The following SPAG16 variants were observed in gnomAD, a reference collection of about 807,000 sequenced individuals.
SPAG16 encodes sperm associated antigen 16.
A neutral mutation model predicts 80.4 loss-of-function variants in SPAG16; 86 were observed. The ratio of observed to expected loss-of-function variants is 1.07; its 90% CI spans 0.90 to 1.28. SPAG16 has a LOEUF of 1.28. Among genes scored for constraint, SPAG16 ranks in the 50% most tolerant of loss-of-function variants. The pLI is 0.00. For missense variants in SPAG16, 870 were observed against 765.3 expected (o/e 1.14, Z -1.61); for synonymous variants, 294 against 265.9 (o/e 1.11, Z -1.03).
rs763808594 is a variant in SPAG16, at chr2:214,102,109, G to GTTT, written c.1528-6083_1528-6081dup. 1.2e-4 allele frequency among the ~76,000 whole-genome samples: 12 copies of GTTT among 96,584 alleles called. 2 individuals carry two copies. Among genetic ancestry groups the GTTT allele is most frequent in the South Asian group, 3.6e-4 (1 of 2,806 alleles). The allele number at this position is 96,584 out of a possible 152,430, so 63.4% of individuals were successfully genotyped here. A position where few individuals can be genotyped will look rare whatever the true frequency, so the allele number is the denominator to read the frequency against. On this transcript the variant is annotated intron_variant, in intron 13 of 15. Transcript: ENST00000331683. The stretch of plus-strand genomic sequence containing the variant: ...TAATAAAGCATATCTGGTGAGGGTG[G>GTTT]TTTTTTGTTTTTTTTTTTTTGCAAT...
At chr2:213,658,368 T>C (rs2063298871) in intron 10 of SPAG16, among the ~76,000 whole-genome samples, 1 of 152,148 alleles carries the variant, frequency 6.6e-6, no homozygotes, top group African/African-American at 2.4e-5. Flanking sequence ...TCAGGCTTCC[T>C]CTCTCATGTA....
At chr2:213,346,932 A>G (rs927072270) in intron 6 of SPAG16, among the ~76,000 whole-genome samples, 7 of 151,660 alleles carry the variant, frequency 4.6e-5, no homozygotes, top group East Asian at 1.9e-4. Flanking sequence ...TTCTTTTTCT[A>G]TTGATTGGAA....
intron 14 of SPAG16, among the ~76,000 whole-genome samples, chr2:214,139,059 G>C (rs944747450): frequency 2.6e-5 from 4 of 152,112 alleles, no homozygotes; most frequent in African/African-American, 9.7e-5. Context: ...CAGTGAAAAG[G>C]TTTTCAGGTG....
At chr2:213,620,212 T>C (rs2061724347) in intron 10 of SPAG16, among the ~76,000 whole-genome samples, 1 of 151,630 alleles carries the variant, frequency 6.6e-6, no homozygotes, top group African/African-American at 2.4e-5. Context: ...AAATTATAGC[T>C]TGATAGGAGG....
At chr2:214,211,211 T>G (rs973415874) in intron 15 of SPAG16, among the ~76,000 whole-genome samples, 1 of 152,210 alleles carries the variant, frequency 6.6e-6, no homozygotes, top group African/African-American at 2.4e-5. Context: ...TAGTTCATGT[T>G]GGCTGCATAT....
intron 15 of SPAG16, among the ~76,000 whole-genome samples, chr2:214,380,893 G>A (rs999406668): frequency 3.9e-5 from 6 of 152,192 alleles, no homozygotes; most frequent in Admixed American, 3.9e-4. Flanking sequence ...CTCCAGAGGA[G>A]AATTTATTAA....
chr2:214,349,626 T>C (rs1698273069), intron 15 of SPAG16, among the ~76,000 whole-genome samples: 1 of 152,340 alleles, frequency 6.6e-6, no homozygotes, highest in African/African-American at 2.4e-5. Context: ...TCATAAGGTA[T>C]GTGTAAGTTT....
chr2:214,134,043 G>GTCATAAAA (rs1470974020), intron 14 of SPAG16, among the ~76,000 whole-genome samples: 6 of 152,186 alleles, frequency 3.9e-5, no homozygotes, highest in Non-Finnish European at 2.9e-5. Context: ...AGATTCAAGA[G>GTCATAAAA]TCATAAACAT....
At position 213,604,505 on chromosome 2, in the gene SPAG16, C is replaced by T. The variant is rs548881694; in HGVS notation, c.1070+114415C>T. Among the ~76,000 whole-genome samples the T allele has an allele frequency of 3.3e-5, 5 of 152,254 alleles. No homozygotes were observed. The South Asian group carries it at 1.0e-3, about 32-fold the overall frequency. On this transcript the variant is annotated intron_variant, in intron 10 of 15. Transcript: ENST00000331683. ...TTGAATTATGTGTCCTCATTTCCTT[C>T]TTACTTTCATCTAATTAATCATCAT...
intron 10 of SPAG16, among the ~76,000 whole-genome samples, chr2:213,844,238 G>A (rs961910494): frequency 1.3e-5 from 2 of 152,136 alleles, no homozygotes; most frequent in African/African-American, 4.8e-5. Context: ...AAAAGTTAGC[G>A]GGGAAGGAAT....
At chr2:213,631,755 G>A (rs1048526645) in intron 10 of SPAG16, among the ~76,000 whole-genome samples, 4 of 152,098 alleles carry the variant, frequency 2.6e-5, no homozygotes, top group African/African-American at 7.2e-5. Context: ...TTTCCCCAGG[G>A]TATGTTCTTG....
At chr2:214,352,554 T>C (rs975707292) in intron 15 of SPAG16, among the ~76,000 whole-genome samples, 3 of 13,854 alleles carry the variant, frequency 2.2e-4, no homozygotes, top group Non-Finnish European at 8.7e-4. Flanking sequence ...TTGACTTTTT[T>C]TCTCTGTGTG....
At chr2:213,286,418 G>A (rs1031399666) in intron 1 of SPAG16, among the ~76,000 whole-genome samples, 3 of 152,134 alleles carry the variant, frequency 2.0e-5, no homozygotes, top group East Asian at 1.9e-4. Context: ...GAAGTTTGAG[G>A]ATTACTTGTG....
intron 12 of SPAG16, among the ~76,000 whole-genome samples, chr2:213,985,950 C>A (rs2045978623): frequency 6.6e-6 from 1 of 151,960 alleles, no homozygotes; most frequent in South Asian, 2.1e-4. Context: ...ACTGATAAAT[C>A]CAATTGACAA....
intron 8 of SPAG16, 37 bp from the exon 9 acceptor site, chr2:213,374,973 A>C (rs1173335249): frequency 7.0e-7 from 1 of 1,432,162 alleles, no homozygotes; most frequent in African/African-American, 1.5e-5. Flanking sequence ...ACCGATAAAC[A>C]GTGCAAATAT....
chr2:213,478,150 C>T (rs192858200), intron 9 of SPAG16, among the ~76,000 whole-genome samples: 27 of 152,254 alleles, frequency 1.8e-4, no homozygotes, highest in Non-Finnish European at 3.4e-4. Flanking sequence ...GTCTCCCCAG[C>T]GATCTGGAGC....
chr2:213,674,413 T>C lies in SPAG16; in HGVS notation c.1070+184323T>C, dbSNP rs1022868908. Among the ~76,000 whole-genome samples, 11 of 152,044 alleles carry C rather than the reference T, an allele frequency of 7.2e-5. No homozygotes were observed. In the East Asian group the frequency reaches 2.1e-3, roughly 29 times the overall value. On this transcript the variant is annotated intron_variant, in intron 10 of 15. Coordinates refer to ENST00000331683, the MANE Select transcript of SPAG16 (RefSeq NM_024532.5). ...TTTTTATTATTATACTTTTAAGTTT[T>C]AGGGTACATGTGCACAATGTGCAGG...
chr2:213,922,815 T>C (rs2078285850), intron 11 of SPAG16, among the ~76,000 whole-genome samples: 1 of 152,218 alleles, frequency 6.6e-6, no homozygotes, highest in Non-Finnish European at 1.5e-5. Flanking sequence ...CCTCTATGAT[T>C]ACTGTCTGCA....
chr2:213,423,402 C>T (rs2069714771), intron 9 of SPAG16, among the ~76,000 whole-genome samples: 1 of 152,056 alleles, frequency 6.6e-6, no homozygotes, highest in Non-Finnish European at 1.5e-5. Context: ...ATTAATGATA[C>T]AGGATAGCAG....
Sources: gnomAD v4.1 joint callset for allele counts (sites outside exome capture counted in the v4.1 genomes callset) on GRCh38, gnomAD v4.1.1 for gene constraint, MANE v1.5 for transcripts, NCBI Gene and HGNC (gene_info 2026-07-23, HGNC 2026-07-21) for gene names.